Variants in GLI3 observed in about 807,000 individuals in gnomAD.
GLI3 encodes the protein GLI family zinc finger 3, also known as transcription activator GLI3.
GLI3 carries 20 observed loss-of-function variants against 100.8 expected under a neutral mutation model. That is an observed-to-expected ratio of 0.20 (90% CI 0.14 to 0.29). The LOEUF (loss-of-function observed/expected upper bound fraction) is 0.29. Among genes scored for constraint, GLI3 ranks in the 10% least tolerant of loss-of-function variants. GLI3 has a pLI of 1.00. For missense variants in GLI3, 2,040 were observed against 2,128.5 expected (o/e 0.96, Z 0.82); for synonymous variants, 938 against 860.5 (o/e 1.09, Z -1.58).
chr7:42,253,182 A>G (rs1359195970), intron 1 of GLI3, among the ~76,000 whole-genome samples: 1 of 152,230 alleles, frequency 6.6e-6, no homozygotes, highest in Non-Finnish European at 1.5e-5. Flanking sequence ...ATGTGAAGAA[A>G]GAGTTTCCTG....
intron 7 of GLI3, among the ~76,000 whole-genome samples, chr7:42,039,106 G>T (rs893092125): frequency 6.6e-6 from 1 of 152,224 alleles, no homozygotes; most frequent in African/African-American, 2.4e-5. Flanking sequence ...TAGGGGAAAT[G>T]AGAGTTTAAA....
chr7:41,966,896 C>T lies in GLI3; in HGVS notation c.2432-255G>A, dbSNP rs904341495. Among the ~76,000 whole-genome samples, 1 of 152,096 alleles carries T rather than the reference C, an allele frequency of 6.6e-6. No homozygotes were observed. Among genetic ancestry groups the T allele is most frequent in the African/African-American group, 2.4e-5 (1 of 41,400 alleles). ...AAAAACAGGGGCGGCTGGAGATGGC[C>T]GCAGGCTGTAGTTTGCTGATGCCTG... On this transcript the variant is annotated intron_variant, in intron 14 of 14. Coordinates refer to ENST00000395925, the MANE Select transcript of GLI3 (RefSeq NM_000168.6). This position sits in a 1 kb window ranked among gnomAD's most constrained non-coding sequence, Gnocchi z 5.8.
chr7:42,096,380 TG>T (rs1340481399), intron 3 of GLI3, among the ~76,000 whole-genome samples: 1 of 152,206 alleles, frequency 6.6e-6, no homozygotes, highest in Admixed American at 6.5e-5. Flanking sequence ...AGGAACGGGC[TG>T]GCTTTAAAGA....
At chr7:42,127,632 C>T (rs1487908592) in intron 3 of GLI3, among the ~76,000 whole-genome samples, 1 of 152,178 alleles carries the variant, frequency 6.6e-6, no homozygotes, top group Admixed American at 6.5e-5. Context: ...TTTAAAGCAA[C>T]CTAAGTTTTA....
chr7:42,094,998 T>G (rs1480128741), intron 3 of GLI3, among the ~76,000 whole-genome samples: 1 of 152,110 alleles, frequency 6.6e-6, no homozygotes, highest in Non-Finnish European at 1.5e-5. Flanking sequence ...CAGAGGAACC[T>G]CCTCTCCTTG....
At chr7:42,260,103 A>T (rs1789123801) in intron 1 of GLI3, among the ~76,000 whole-genome samples, 1 of 152,236 alleles carries the variant, frequency 6.6e-6, no homozygotes, top group Non-Finnish European at 1.5e-5. Context: ...GATACTTGGA[A>T]GGGAGTAAAG....
At chr7:42,104,289 G>A (rs967694739) in intron 3 of GLI3, among the ~76,000 whole-genome samples, 8 of 152,228 alleles carry the variant, frequency 5.3e-5, no homozygotes, top group South Asian at 2.1e-4. Flanking sequence ...GACATACTGC[G>A]TACCCAACAT....
chr7:42,012,214 A>G, intron 10 of GLI3, among the ~76,000 whole-genome samples: 1 of 152,136 alleles, frequency 6.6e-6, no homozygotes, highest in Non-Finnish European at 1.5e-5. Context: ...ATTTTTATTT[A>G]ATCAATAATT....
At chr7:42,123,456 G>T (rs1786050341) in intron 3 of GLI3, among the ~76,000 whole-genome samples, 1 of 152,124 alleles carries the variant, frequency 6.6e-6, no homozygotes, top group Non-Finnish European at 1.5e-5. Context: ...ATGCATACAA[G>T]GGTGTATATA....
At chr7:42,200,863 C>T (rs1251489703) in intron 2 of GLI3, among the ~76,000 whole-genome samples, 1 of 151,992 alleles carries the variant, frequency 6.6e-6, no homozygotes, top group Non-Finnish European at 1.5e-5. Context: ...TGCAAAAACA[C>T]AGGACAGACT....
chr7:42,177,580 T>A (rs1165186710), intron 2 of GLI3, among the ~76,000 whole-genome samples: 1 of 152,188 alleles, frequency 6.6e-6, no homozygotes, highest in African/African-American at 2.4e-5. Context: ...AGTTCTACAT[T>A]TCTATGGCTT....
intron 1 of GLI3, among the ~76,000 whole-genome samples, chr7:42,243,335 G>A (rs1343003428): frequency 6.6e-6 from 1 of 152,142 alleles, no homozygotes; most frequent in Non-Finnish European, 1.5e-5. Context: ...CAGAGAATTT[G>A]GTAGGTGGGA....
intron 3 of GLI3, among the ~76,000 whole-genome samples, chr7:42,097,554 C>G (rs1418650962): frequency 2.0e-5 from 3 of 152,234 alleles, no homozygotes; most frequent in Non-Finnish European, 4.4e-5. Context: ...CGGGACCCAG[C>G]AGGGGCTCTC....
At chr7:42,014,687 T>C (rs1170121070) in intron 10 of GLI3, among the ~76,000 whole-genome samples, 2 of 152,176 alleles carry the variant, frequency 1.3e-5, no homozygotes, top group Non-Finnish European at 2.9e-5. Context: ...TGCTTGTACA[T>C]CGATAGTACT....
intron 2 of GLI3, among the ~76,000 whole-genome samples, chr7:42,212,794 G>A (rs1399781093): frequency 6.6e-6 from 1 of 152,198 alleles, no homozygotes; most frequent in East Asian, 1.9e-4. Context: ...ACAGAGAATG[G>A]AGAAACACCT....
intron 10 of GLI3, among the ~76,000 whole-genome samples, chr7:42,008,790 G>C (rs1432605568): frequency 6.6e-6 from 1 of 152,178 alleles, no homozygotes; most frequent in Non-Finnish European, 1.5e-5. Context: ...ACATTAGCTA[G>C]GCTTGGTGGA....
chr7:42,251,395 G>C (rs1789030270), intron 1 of GLI3, among the ~76,000 whole-genome samples: 1 of 152,212 alleles, frequency 6.6e-6, no homozygotes, highest in Admixed American at 6.5e-5. Flanking sequence ...CTGCTGATCT[G>C]ACAGGAGGCA....
At chr7:42,163,846 C>T (rs1787184181) in intron 2 of GLI3, among the ~76,000 whole-genome samples, 1 of 152,174 alleles carries the variant, frequency 6.6e-6, no homozygotes, top group Non-Finnish European at 1.5e-5. Flanking sequence ...AAGTTTTCCA[C>T]AATGTTTCTA....
At chr7:42,059,410 T>C (rs531167411) in intron 4 of GLI3, among the ~76,000 whole-genome samples, 4 of 150,076 alleles carry the variant, frequency 2.7e-5, no homozygotes, top group African/African-American at 9.7e-5. Context: ...TATTATATAA[T>C]GTATGTATTA....
Sources: gnomAD v4.1 joint callset for allele counts (sites outside exome capture counted in the v4.1 genomes callset) on GRCh38, gnomAD v4.1.1 for gene constraint, Gnocchi (gnomAD v3.1) non-coding constraint, MANE v1.5 for transcripts, NCBI Gene and HGNC (gene_info 2026-07-23, HGNC 2026-07-21) for gene names.